NOL4: variants seen among roughly 807,000 people sequenced by gnomAD.
NOL4 encodes nucleolar protein 4, also known as cancer/testis antigen 125.
NOL4 carries 17 observed loss-of-function variants against 75.9 expected under a neutral mutation model. That is an observed-to-expected ratio of 0.22 (90% CI 0.15 to 0.34). NOL4 has a LOEUF of 0.34. NOL4 is among the 10% of genes least tolerant of loss of function. The pLI is 1.00. For missense variants in NOL4, 614 were observed against 793.5 expected (o/e 0.77, Z 2.72); for synonymous variants, 292 against 289.9 (o/e 1.01, Z -0.07).
At chr18:33,868,852 T>G (rs1334608264) in intron 10 of NOL4, among the ~76,000 whole-genome samples, 1 of 152,004 alleles carries the variant, frequency 6.6e-6, no homozygotes, top group African/African-American at 2.4e-5. Flanking sequence ...TAATTAACAA[T>G]GAAATTGATA....
intron 6 of NOL4, among the ~76,000 whole-genome samples, chr18:33,996,631 T>A (rs916202556): frequency 2.2e-4 from 33 of 151,880 alleles, no homozygotes; most frequent in African/African-American, 7.5e-4. Flanking sequence ...GTGTACCTAA[T>A]GCTTAGGGCC....
chr18:33,904,614 C>T (rs1353844155), intron 9 of NOL4, among the ~76,000 whole-genome samples: 1 of 152,092 alleles, frequency 6.6e-6, no homozygotes. Flanking sequence ...TAAGTCTTCA[C>T]CTGAAGGTAA....
chr18:34,080,054 G>A (rs2077931573), intron 5 of NOL4, among the ~76,000 whole-genome samples: 1 of 152,134 alleles, frequency 6.6e-6, no homozygotes, highest in African/African-American at 2.4e-5. Context: ...CCAAAATATT[G>A]CCCCATTTGT....
intron 6 of NOL4, among the ~76,000 whole-genome samples, chr18:33,971,431 T>A (rs2071051771): frequency 6.6e-6 from 1 of 152,140 alleles, no homozygotes; most frequent in Non-Finnish European, 1.5e-5. Context: ...AGGAAAATGA[T>A]CAAATGAGAA....
chr18:33,955,551 T>A (rs2069581731), intron 8 of NOL4, among the ~76,000 whole-genome samples: 1 of 152,122 alleles, frequency 6.6e-6, no homozygotes, highest in African/African-American at 2.4e-5. Context: ...CCAAGATAAA[T>A]TAAACAGAAA....
At position 34,007,559 on chromosome 18, in the gene NOL4, A is replaced by C. The variant is rs1269617233; in HGVS notation, c.1056+11759T>G. Among the ~76,000 whole-genome samples, 4 of 152,018 alleles carry C rather than the reference A, an allele frequency of 2.6e-5. No homozygotes were observed. In the East Asian group the frequency reaches 7.8e-4, roughly 30 times the overall value. Reference sequence around the variant, plus strand: ...GTGTTTCCTCCCTATTTTGTTATGAACATGCTTATATGTATATATTCATAT... The same window carrying C: ...GTGTTTCCTCCCTATTTTGTTATGACCATGCTTATATGTATATATTCATAT... On this transcript the variant is annotated intron_variant, in intron 6 of 10. Transcript: ENST00000261592.
intron 5 of NOL4, among the ~76,000 whole-genome samples, chr18:34,079,100 G>A (rs904159845): frequency 3.9e-5 from 6 of 152,172 alleles, no homozygotes; most frequent in African/African-American, 9.6e-5. Context: ...AGTTTAGCCC[G>A]CTAAAACTCA....
chr18:34,065,814 ATGC>A (rs1161547611), intron 5 of NOL4, among the ~76,000 whole-genome samples: 4 of 152,000 alleles, frequency 2.6e-5, no homozygotes, highest in African/African-American at 9.6e-5. Context: ...AAGAGATTAA[ATGC>A]TAAGTAATTG....
intron 8 of NOL4, among the ~76,000 whole-genome samples, chr18:33,945,787 T>G (rs1248521963): frequency 6.6e-6 from 1 of 151,776 alleles, no homozygotes; most frequent in Non-Finnish European, 1.5e-5. Context: ...AAAATAGATT[T>G]GTACTGAGTT....
chr18:34,122,236 G>C (rs909503340), intron 2 of NOL4, among the ~76,000 whole-genome samples: 1 of 152,094 alleles, frequency 6.6e-6, no homozygotes, highest in Non-Finnish European at 1.5e-5. Context: ...GAGCAGAAGA[G>C]ATAGATGGAT....
intron 6 of NOL4, among the ~76,000 whole-genome samples, chr18:33,965,593 G>A (rs74685023): frequency 0.041 from 6,219 of 152,192 alleles, 202 homozygotes; most frequent in Middle Eastern, 0.068. Flanking sequence ...TTTAACCATG[G>A]GGGAGGTTTT....
intron 1 of NOL4, among the ~76,000 whole-genome samples, chr18:34,169,316 T>C (rs12605745): frequency 0.24 from 36,422 of 151,758 alleles, 5,139 homozygotes; most frequent in East Asian, 0.45. Context: ...GCTCCTTACA[T>C]CATGTAAGTG....
chr18:34,150,735 T>G (rs952368390), intron 1 of NOL4, among the ~76,000 whole-genome samples: 5 of 151,602 alleles, frequency 3.3e-5, no homozygotes, highest in Non-Finnish European at 7.4e-5. Flanking sequence ...AATGAAAGAA[T>G]TGATAAGCTA....
At chr18:33,895,012 T>C (rs897019288) in intron 9 of NOL4, among the ~76,000 whole-genome samples, 4 of 152,132 alleles carry the variant, frequency 2.6e-5, no homozygotes, top group South Asian at 2.1e-4. Context: ...AATGAAGTGA[T>C]AGATATGTCA....
chr18:33,877,148 T>G (rs2063975484), intron 10 of NOL4, among the ~76,000 whole-genome samples: 1 of 152,008 alleles, frequency 6.6e-6, no homozygotes, highest in Non-Finnish European at 1.5e-5. Context: ...TTTGTTTCAT[T>G]TGAAGTGTAC....
At chr18:34,165,353 G>C (rs560213108) in intron 1 of NOL4, among the ~76,000 whole-genome samples, 2 of 152,250 alleles carry the variant, frequency 1.3e-5, no homozygotes, top group East Asian at 3.9e-4. Context: ...CCATGTTCCA[G>C]TGTGTAGATG....
chr18:33,883,389 T>C lies in NOL4; in HGVS notation c.1578A>G (p.Pro526=), dbSNP rs776650263. Residue 526 remains proline (P), a synonymous_variant, in exon 10 of 11, where the codon CCA becomes CCG. Coordinates refer to ENST00000261592, the MANE Select transcript of NOL4 (RefSeq NM_003787.5). ...TTGAGTAAGTGGCCTGGGTCGCCTC[T>C]GGTTTACACTGTTTGTCAGCTGGAG... ...ESAPADKQCK[P]EATQATYSTS... 5.7e-5 allele frequency: 92 copies of C among 1,610,630 alleles called. No individual in the cohort carries two copies. Among genetic ancestry groups the C allele is most frequent in the Non-Finnish European group, 7.8e-5 (92 of 1,178,830 alleles).
chr18:33,863,429 A>T (rs533392375), intron 10 of NOL4, among the ~76,000 whole-genome samples: 13 of 152,292 alleles, frequency 8.5e-5, no homozygotes, highest in Middle Eastern at 6.8e-3. Context: ...ATAATAATAA[A>T]AAAAAGTTAC....
At chr18:34,134,447 G>GACACAC (rs199707766) in intron 1 of NOL4, among the ~76,000 whole-genome samples, 3 of 134,158 alleles carry the variant, frequency 2.2e-5, no homozygotes, top group South Asian at 2.8e-4. Flanking sequence ...GACTCCAAGT[G>GACACAC]ACACACACAC....
Sources: allele counts gnomAD v4.1 joint callset (sites outside exome capture counted in the v4.1 genomes callset), GRCh38; gene constraint gnomAD v4.1.1; transcripts MANE v1.5; gene names NCBI Gene and HGNC (gene_info 2026-07-23, HGNC 2026-07-21).